Variants in PPP2R2B observed in about 807,000 individuals in gnomAD.
PPP2R2B encodes the protein serine/threonine-protein phosphatase 2A 55 kDa regulatory subunit B beta isoform.
Under a neutral mutation model 46.0 loss-of-function variants are expected in PPP2R2B, and 5 were observed. That is an observed-to-expected ratio of 0.11 (90% CI 0.06 to 0.23). The LOEUF (loss-of-function observed/expected upper bound fraction) is 0.23. Among genes scored for constraint, PPP2R2B ranks in the 10% least tolerant of loss-of-function variants. The pLI is 1.00. For missense variants in PPP2R2B, 367 were observed against 575.0 expected, an observed-to-expected ratio of 0.64 and a Z score of 3.70; for synonymous variants, 215 against 206.7, an observed-to-expected ratio of 1.04 and a Z score of -0.34.
intron 1 of PPP2R2B, chr5:147,035,221 G>T: frequency 2.3e-6 from 1 of 433,452 alleles, no homozygotes; most frequent in Non-Finnish European, 4.6e-6. Flanking sequence ...GGCAGAAGGC[G>T]AAGGGGAAGC....
intron 8 of PPP2R2B, among the ~76,000 whole-genome samples, chr5:146,598,472 G>A (rs1394743645): frequency 6.6e-6 from 1 of 152,034 alleles, no homozygotes; most frequent in Non-Finnish European, 1.5e-5. Flanking sequence ...CTACATACTT[G>A]TGAGTGTCAG....
At chr5:146,841,474 C>T (rs1425002945) in intron 2 of PPP2R2B, among the ~76,000 whole-genome samples, 1 of 152,106 alleles carries the variant, frequency 6.6e-6, no homozygotes, top group Non-Finnish European at 1.5e-5. Context: ...TTCCTCATTC[C>T]TACCTCCCAA....
intron 1 of PPP2R2B, among the ~76,000 whole-genome samples, chr5:147,040,094 T>C (rs901087107): frequency 7.2e-5 from 11 of 152,174 alleles, no homozygotes; most frequent in Non-Finnish European, 1.6e-4. Flanking sequence ...GGAGTGAAGA[T>C]GCCTTTCTTC....
intron 2 of PPP2R2B, among the ~76,000 whole-genome samples, chr5:146,782,839 G>A (rs1349803036): frequency 6.6e-5 from 10 of 151,822 alleles, no homozygotes; most frequent in African/African-American, 2.4e-4. Context: ...GAAAAAGAAA[G>A]AAGAGAGGAG....
At chr5:146,657,376 T>A (rs1776399183) in intron 5 of PPP2R2B, among the ~76,000 whole-genome samples, 1 of 152,024 alleles carries the variant, frequency 6.6e-6, no homozygotes, top group Non-Finnish European at 1.5e-5. Flanking sequence ...AAAGATGAAG[T>A]CATGGAGAAG....
intron 2 of PPP2R2B, among the ~76,000 whole-genome samples, chr5:146,772,031 T>C (rs866632851): frequency 6.6e-6 from 1 of 152,118 alleles, no homozygotes; most frequent in Non-Finnish European, 1.5e-5. Context: ...CGTTGCAGCA[T>C]TGCTTATACT....
intron 2 of PPP2R2B, among the ~76,000 whole-genome samples, chr5:146,851,300 A>G (rs894026919): frequency 6.6e-6 from 1 of 152,164 alleles, no homozygotes; most frequent in Non-Finnish European, 1.5e-5. Flanking sequence ...TTTACTGAGC[A>G]TATTTACTAG....
At position 146,765,874 on chromosome 5, in the gene PPP2R2B, A is replaced by G. The variant is rs1754446149; in HGVS notation, c.71-64732T>C. The stretch of plus-strand genomic sequence containing the variant: ...GTCACCCTGACACACGTATGCCTTC[A>G]CTGGATCACGATTTCTCATGCTGGT... On this transcript the variant is annotated intron_variant, in intron 2 of 9. Coordinates refer to ENST00000394411, the MANE Select transcript of PPP2R2B (RefSeq NM_181675.4). 2.0e-5 allele frequency among the ~76,000 whole-genome samples: 3 copies of G among 152,210 alleles called. 1 individual carries two copies. In the South Asian group the frequency reaches 6.2e-4, roughly 31 times the overall value.
intron 1 of PPP2R2B, among the ~76,000 whole-genome samples, chr5:146,928,735 A>T (rs936092439): frequency 6.6e-6 from 1 of 152,188 alleles, no homozygotes; most frequent in African/African-American, 2.4e-5. Context: ...AGCCAGAAAG[A>T]TCATTTTGAA....
At chr5:146,787,430 C>T (rs1340183750) in intron 2 of PPP2R2B, among the ~76,000 whole-genome samples, 1 of 152,210 alleles carries the variant, frequency 6.6e-6, no homozygotes, top group Non-Finnish European at 1.5e-5. Flanking sequence ...AATATTTTAA[C>T]TGGCTGAACA....
chr5:146,758,405 G>T (rs551251587), intron 2 of PPP2R2B, among the ~76,000 whole-genome samples: 37 of 152,098 alleles, frequency 2.4e-4, no homozygotes, highest in African/African-American at 7.2e-4. Flanking sequence ...TACCTCAAAG[G>T]CTTGTTATGA....
intron 1 of PPP2R2B, among the ~76,000 whole-genome samples, chr5:146,900,481 C>T (rs1481742946): frequency 6.6e-6 from 1 of 151,940 alleles, no homozygotes; most frequent in Admixed American, 6.6e-5. Flanking sequence ...TCCAGCTTCC[C>T]TTCCTTTTCT....
Position 146,874,056 on chromosome 5 carries a change from C to T in PPP2R2B, c.70+3946G>A, listed in dbSNP as rs147607197. On this transcript the variant is annotated intron_variant, in intron 2 of 9. Transcript: ENST00000394411. ...AAATTCATCCTTTAGTTCTCAGTTTCAGCTGTCTGAGAGGCTGTCCTTGAA... is the reference window on the plus strand; with the variant it reads ...AAATTCATCCTTTAGTTCTCAGTTTTAGCTGTCTGAGAGGCTGTCCTTGAA... Among the ~76,000 whole-genome samples the T allele has an allele frequency of 2.7e-3, 413 of 152,338 alleles. 2 individuals are homozygous for T. Among genetic ancestry groups the T allele is most frequent in the African/African-American group, 9.5e-3 (394 of 41,576 alleles).
intron 5 of PPP2R2B, among the ~76,000 whole-genome samples, chr5:146,676,316 A>G (rs1777710544): frequency 6.6e-6 from 1 of 152,116 alleles, no homozygotes; most frequent in Non-Finnish European, 1.5e-5. Flanking sequence ...GAAAAAAGCG[A>G]GTTCCTTAAC....
At chr5:146,882,557 TAG>T (rs904640729), upstream of PPP2R2B, among the ~76,000 whole-genome samples, 4 of 152,194 alleles carry the variant, frequency 2.6e-5, no homozygotes, top group African/African-American at 9.6e-5. Flanking sequence ...ATTTGTTTCA[TAG>T]AGTTATTACA....
intron 2 of PPP2R2B, among the ~76,000 whole-genome samples, chr5:146,834,639 G>GT (rs1377292529): frequency 3.3e-5 from 5 of 151,978 alleles, no homozygotes; most frequent in Non-Finnish European, 4.4e-5. Context: ...GTGTTTTGTT[G>GT]TTTTTTTCTT....
At chr5:146,949,404 C>T (rs1764583840) in intron 1 of PPP2R2B, among the ~76,000 whole-genome samples, 1 of 152,032 alleles carries the variant, frequency 6.6e-6, no homozygotes, top group Admixed American at 6.6e-5. Context: ...TATAAAAGTG[C>T]TCAATGTCAT....
chr5:146,617,530 A>G (rs1773283980), intron 7 of PPP2R2B, among the ~76,000 whole-genome samples: 1 of 152,118 alleles, frequency 6.6e-6, no homozygotes, highest in Non-Finnish European at 1.5e-5. Context: ...AGTGTCACAC[A>G]CCATTTAAAC....
intron 7 of PPP2R2B, among the ~76,000 whole-genome samples, chr5:146,619,484 AC>A (rs1351870658): frequency 6.6e-6 from 1 of 152,042 alleles, no homozygotes; most frequent in Non-Finnish European, 1.5e-5. Flanking sequence ...AACAAACAAA[AC>A]AAAACCATAA....
Sources: allele counts gnomAD v4.1 joint callset (sites outside exome capture counted in the v4.1 genomes callset), GRCh38; gene constraint gnomAD v4.1.1; transcripts MANE v1.5; gene names NCBI Gene and HGNC (gene_info 2026-07-23, HGNC 2026-07-21).